Variants in SEMA6D observed in about 807,000 individuals in gnomAD.
SEMA6D encodes the protein semaphorin 6D.
SEMA6D carries 35 observed loss-of-function variants against 106.6 expected under a neutral mutation model. The ratio of observed to expected loss-of-function variants is 0.33; its 90% CI spans 0.25 to 0.44. The LOEUF is 0.44. Among genes scored for constraint, SEMA6D ranks in the 20% least tolerant of loss-of-function variants. The pLI is 1.00. For missense variants in SEMA6D, 1,185 were observed against 1,345.9 expected (o/e 0.88, Z 1.87); for synonymous variants, 499 against 487.7 (o/e 1.02, Z -0.31).
intron 3 of SEMA6D, among the ~76,000 whole-genome samples, chr15:47,547,870 A>G (rs1229205504): frequency 6.6e-6 from 1 of 152,202 alleles, no homozygotes; most frequent in Non-Finnish European, 1.5e-5. Flanking sequence ...ACCTACGCTA[A>G]GCAGATACAG....
intron 1 of SEMA6D, among the ~76,000 whole-genome samples, chr15:47,307,214 T>C (rs984524302): frequency 6.6e-6 from 1 of 152,250 alleles, no homozygotes; most frequent in Admixed American, 6.5e-5. Context: ...TAAAATGTTA[T>C]CTGTTACTAT....
At chr15:47,299,929 T>TTTC (rs113191907) in intron 1 of SEMA6D, among the ~76,000 whole-genome samples, 150,698 of 152,262 alleles carry the variant, frequency 0.99, 74,587 homozygotes, top group Middle Eastern at 1. Flanking sequence ...GTCCATTAGT[T>TTTC]ATCTTAAGAA....
chr15:47,744,795 C>T (rs1304562432), intron 1 of SEMA6D, among the ~76,000 whole-genome samples: 1 of 152,160 alleles, frequency 6.6e-6, no homozygotes, highest in Non-Finnish European at 1.5e-5. Flanking sequence ...AACGGCAATG[C>T]TACAACAAAA....
At chr15:47,376,934 A>G (rs1263977791) in intron 1 of SEMA6D, among the ~76,000 whole-genome samples, 3 of 152,150 alleles carry the variant, frequency 2.0e-5, no homozygotes, top group Admixed American at 1.3e-4. Context: ...TAAACAACCT[A>G]TTTGACTTAA....
intron 2 of SEMA6D, among the ~76,000 whole-genome samples, chr15:47,415,386 A>G (rs1486538849): frequency 1.4e-4 from 21 of 152,094 alleles, no homozygotes; most frequent in Admixed American, 1.3e-3. Context: ...GGGAGTAGAA[A>G]GGGTCTCTGG....
intron 3 of SEMA6D, among the ~76,000 whole-genome samples, chr15:47,551,388 T>C (rs1056617504): frequency 4.7e-4 from 72 of 152,150 alleles, no homozygotes; most frequent in African/African-American, 1.6e-3. Flanking sequence ...ACTGTGACCT[T>C]AGAGACAATT....
chr15:47,367,500 T>TATG (rs948904485), intron 1 of SEMA6D, among the ~76,000 whole-genome samples: 4 of 152,200 alleles, frequency 2.6e-5, no homozygotes, highest in African/African-American at 9.6e-5. Flanking sequence ...TATACTCAGC[T>TATG]ATGGGGCATT....
Position 47,474,814 on chromosome 15 carries a change from G to A in SEMA6D, c.-87+4269G>A, listed in dbSNP as rs574737982. ...ACTGTGACCAACTCTAGACAATGAC[G>A]TGTGATTGGAGGTAATACGAATGTC... On this transcript the variant is annotated intron_variant, in intron 3 of 19. Transcript: ENST00000558014. Among the ~76,000 whole-genome samples, 41 of 152,294 alleles carry A rather than the reference G, an allele frequency of 2.7e-4. No homozygotes were observed. The South Asian group carries it at 7.7e-3, about 29-fold the overall frequency.
chr15:47,240,226 A>G (rs1024087284), intron 1 of SEMA6D, among the ~76,000 whole-genome samples: 6 of 152,214 alleles, frequency 3.9e-5, no homozygotes, highest in Non-Finnish European at 7.3e-5. Context: ...TACTGAATAT[A>G]GAATTTAGGC....
rs1445196584 is a variant in SEMA6D at position 47,536,086 on chromosome 15, C to G, written c.-86-64779C>G. The stretch of plus-strand genomic sequence containing the variant: ...TTTTAACTGCTTTGGAAAGATTGAT[C>G]TGTGATTTAGAATGGTGTGATTCCT... On this transcript the variant is annotated intron_variant, in intron 3 of 19. Transcript: ENST00000558014. Among the ~76,000 whole-genome samples the G allele has an allele frequency of 2.6e-5, 4 of 152,126 alleles. No individual in the cohort carries two copies. The South Asian group carries it at 8.3e-4, about 31-fold the overall frequency.
intron 4 of SEMA6D, among the ~76,000 whole-genome samples, chr15:47,704,395 T>C (rs2145959343): frequency 6.6e-6 from 1 of 152,338 alleles, no homozygotes; most frequent in East Asian, 1.9e-4. Context: ...TAGTGAGTTT[T>C]TGCTGCCAAT....
Position 47,765,889 on chromosome 15 carries a change from A to G in SEMA6D, c.1448A>G (p.Glu483Gly). The stretch of plus-strand genomic sequence containing the variant: ...AATAGGTGCAGTGCTGAGAATGAGG[A>G]AGACAAAAAGGTCATCTCATTACAG... ...NHAKCSAENE[E>G]DKKVISLQLD... The change falls in exon 14 of 19, where the codon GAA (glutamate) becomes GGA (glycine). Residue 483 changes from glutamate (E) to glycine (G), a missense_variant. By Grantham distance (98) the Glu-to-Gly change is moderately conservative. Around this residue, in one of 3 missense-constraint regions of SEMA6D, gnomAD observed 750 missense variants for 783.5 expected, o/e 0.96. Transcript: ENST00000536845. 1 of 1,523,224 alleles carries G rather than the reference A, an allele frequency of 6.6e-7. No individual in the cohort carries two copies. Among genetic ancestry groups the G allele is most frequent in the Non-Finnish European group, 8.8e-7 (1 of 1,136,628 alleles). The allele number at this position is 1,523,224 out of a possible 1,614,324, so 94.4% of individuals were successfully genotyped here.
At chr15:47,200,536 C>T (rs1305260127) in intron 1 of SEMA6D, among the ~76,000 whole-genome samples, 1 of 151,994 alleles carries the variant, frequency 6.6e-6, no homozygotes, top group Non-Finnish European at 1.5e-5. Context: ...GGATTTTAGT[C>T]AATGTTAATT....
intron 4 of SEMA6D, among the ~76,000 whole-genome samples, chr15:47,624,466 A>G (rs1035315391): frequency 9.9e-5 from 15 of 152,224 alleles, no homozygotes; most frequent in Non-Finnish European, 2.2e-4. Context: ...TAGTCATCCA[A>G]TTTGTACATA....
intron 3 of SEMA6D, among the ~76,000 whole-genome samples, chr15:47,518,229 G>A (rs2044451758): frequency 6.6e-6 from 1 of 152,162 alleles, no homozygotes; most frequent in African/African-American, 2.4e-5. Context: ...GAAATACAAG[G>A]ACAGAAGGGA....
At chr15:47,293,262 G>A (rs1436004722) in intron 1 of SEMA6D, among the ~76,000 whole-genome samples, 2 of 152,112 alleles carry the variant, frequency 1.3e-5, no homozygotes, top group African/African-American at 2.4e-5. Flanking sequence ...TGCTTCCACT[G>A]GAGAGAGCAT....
At chr15:47,638,214 A>G (rs1162893449) in intron 4 of SEMA6D, among the ~76,000 whole-genome samples, 1 of 152,134 alleles carries the variant, frequency 6.6e-6, no homozygotes, top group Non-Finnish European at 1.5e-5. Flanking sequence ...ATGATGTGTG[A>G]TGATGCTGTC....
rs1424778825 is a variant in SEMA6D, at chr15:47,463,033, G to C, written c.-158-7441G>C. Among the ~76,000 whole-genome samples, 3 of 151,984 alleles carry C rather than the reference G, an allele frequency of 2.0e-5. No homozygotes were observed. The East Asian group carries it at 5.8e-4, about 29-fold the overall frequency. ...CAATGATGAACTTGGATATGGAAAG[G>C]ACTTTTTAAAAAAAATGAAGAAAAG... On this transcript the variant is annotated intron_variant, in intron 2 of 19. Coordinates refer to the SEMA6D transcript ENST00000558014.
At chr15:47,536,079 G>C (rs2045153973) in intron 3 of SEMA6D, among the ~76,000 whole-genome samples, 1 of 152,158 alleles carries the variant, frequency 6.6e-6, no homozygotes. Flanking sequence ...GCTTTGGAAA[G>C]ATTGATCTGT....
Sources: allele counts gnomAD v4.1 joint callset (sites outside exome capture counted in the v4.1 genomes callset), GRCh38; gene constraint gnomAD v4.1.1; regional missense constraint gnomAD v4.1.1; transcripts MANE v1.5; gene names NCBI Gene and HGNC (gene_info 2026-07-23, HGNC 2026-07-21).